PLD5: variants seen among roughly 807,000 people sequenced by gnomAD.
PLD5 encodes the protein inactive phospholipase D5.
PLD5 carries 36 observed loss-of-function variants against 61.1 expected under a neutral mutation model. That is an observed-to-expected ratio of 0.59 (90% CI 0.45 to 0.78). The LOEUF is 0.78. Ranked by LOEUF, PLD5 falls within the 30% of genes least tolerant of loss-of-function variation. The pLI, the probability that PLD5 is intolerant of heterozygous loss-of-function variation, is 0.00. For synonymous variants in PLD5, 243 were observed against 242.8 expected (o/e 1.00, Z -0.01); for missense variants, 515 against 644.4 (o/e 0.80, Z 2.17).
chr1:242,409,184 A>G (rs1314710467), intron 1 of PLD5, among the ~76,000 whole-genome samples: 2 of 152,146 alleles, frequency 1.3e-5, no homozygotes, highest in African/African-American at 4.8e-5. Flanking sequence ...TGACTAGCTT[A>G]TTGGCCTTGG....
intron 3 of PLD5, among the ~76,000 whole-genome samples, chr1:242,272,106 A>T (rs1381257763): frequency 6.6e-6 from 1 of 152,244 alleles, no homozygotes; most frequent in African/African-American, 2.4e-5. Context: ...AATCAACAGG[A>T]TAAACAATCT....
intron 1 of PLD5, among the ~76,000 whole-genome samples, chr1:242,401,895 G>A (rs1007656426): frequency 6.6e-6 from 1 of 152,258 alleles, no homozygotes; most frequent in African/African-American, 2.4e-5. Context: ...CCGATAACTA[G>A]AGTGTCTTCT....
rs1660055550 is a variant in PLD5, at chr1:242,345,132, G to A, written c.326+2974C>T. Among the ~76,000 whole-genome samples, 4 of 152,114 alleles carry A rather than the reference G, an allele frequency of 2.6e-5. No individual in the cohort carries two copies. The South Asian group carries it at 8.3e-4, about 32-fold the overall frequency. Reference sequence around the variant, plus strand: ...ACAATACAAGTTGAGATTTGAATGGGGCACAGCCAAACCATATCACCCACT... The same window carrying A: ...ACAATACAAGTTGAGATTTGAATGGAGCACAGCCAAACCATATCACCCACT... On this transcript the variant is annotated intron_variant, in intron 2 of 9. Transcript: ENST00000536534.
At chr1:242,254,348 GA>G (rs59783629) in intron 4 of PLD5, among the ~76,000 whole-genome samples, 61,354 of 132,334 alleles carry the variant, frequency 0.46, 13,372 homozygotes, top group East Asian at 0.63. Flanking sequence ...TCATTTAACT[GA>G]AAAAAAAAAA....
intron 1 of PLD5, among the ~76,000 whole-genome samples, chr1:242,429,540 C>A (rs1665609161): frequency 6.6e-6 from 1 of 152,200 alleles, no homozygotes; most frequent in South Asian, 2.1e-4. Flanking sequence ...AGCCACAACA[C>A]CCGGGCTTGG....
At chr1:242,287,058 T>C (rs912807624) in intron 3 of PLD5, among the ~76,000 whole-genome samples, 4 of 152,136 alleles carry the variant, frequency 2.6e-5, no homozygotes, top group African/African-American at 7.2e-5. Flanking sequence ...GTGGAATAGA[T>C]TGGGAGCAAC....
intron 5 of PLD5, among the ~76,000 whole-genome samples, chr1:242,135,158 T>C (rs1347291311): frequency 1.3e-5 from 2 of 152,224 alleles, no homozygotes; most frequent in Non-Finnish European, 2.9e-5. Flanking sequence ...TTTGTGTGTG[T>C]ATACAGACAT....
intron 1 of PLD5, among the ~76,000 whole-genome samples, chr1:242,348,999 A>G (rs553977920): frequency 2.0e-5 from 3 of 152,186 alleles, no homozygotes; most frequent in South Asian, 4.1e-4. Flanking sequence ...GCTTGCAGTG[A>G]GCCAAGATCG....
chr1:242,463,339 G>A (rs181330119), intron 1 of PLD5, among the ~76,000 whole-genome samples: 7 of 152,144 alleles, frequency 4.6e-5, no homozygotes, highest in African/African-American at 7.2e-5. Context: ...AGCCTTCAAT[G>A]CCTCCAACTC....
At chr1:242,322,518 T>C (rs1269890506) in intron 2 of PLD5, among the ~76,000 whole-genome samples, 5 of 152,236 alleles carry the variant, frequency 3.3e-5, no homozygotes, top group South Asian at 2.1e-4. Flanking sequence ...TTATCAGCTA[T>C]ATATCTATGT....
chr1:242,163,015 G>A (rs1039912596), intron 5 of PLD5, among the ~76,000 whole-genome samples: 3 of 152,098 alleles, frequency 2.0e-5, no homozygotes, highest in Non-Finnish European at 4.4e-5. Context: ...ATATCTACAG[G>A]TGTTTATTAG....
At chr1:242,489,375 TAA>T (rs11353482) in intron 1 of PLD5, among the ~76,000 whole-genome samples, 75 of 145,226 alleles carry the variant, frequency 5.2e-4, no homozygotes, top group East Asian at 2.7e-3. Context: ...TACATTTGAT[TAA>T]AAAAAAAAAC....
intron 5 of PLD5, among the ~76,000 whole-genome samples, chr1:242,217,258 T>A (rs1207857121): frequency 6.6e-6 from 1 of 152,214 alleles, no homozygotes; most frequent in Non-Finnish European, 1.5e-5. Context: ...TAGACAGTTA[T>A]TCCTCTGATA....
chr1:242,243,010 C>A (rs1042197157), intron 4 of PLD5, among the ~76,000 whole-genome samples: 1 of 152,164 alleles, frequency 6.6e-6, no homozygotes, highest in Non-Finnish European at 1.5e-5. Context: ...AGTAAGGAAT[C>A]GACATAAATG....
chr1:242,136,879 A>G (rs554955346), intron 5 of PLD5, among the ~76,000 whole-genome samples: 1 of 152,324 alleles, frequency 6.6e-6, no homozygotes, highest in South Asian at 2.1e-4. Context: ...CCGGGATGGG[A>G]GACAGTCCAA....
chr1:242,528,747 T>G (rs1156310427), upstream of PLD5, among the ~76,000 whole-genome samples: 1 of 152,182 alleles, frequency 6.6e-6, no homozygotes, highest in Admixed American at 6.5e-5. Context: ...CCCAAAGCCA[T>G]GTAAGTCAGA....
chr1:242,217,678 G>C (rs1170309612), intron 5 of PLD5, among the ~76,000 whole-genome samples: 1 of 152,136 alleles, frequency 6.6e-6, no homozygotes, highest in African/African-American at 2.4e-5. Flanking sequence ...AACATTAACG[G>C]GAGTTTGGAA....
At chr1:242,378,207 G>A (rs1175151140) in intron 1 of PLD5, among the ~76,000 whole-genome samples, 1 of 152,190 alleles carries the variant, frequency 6.6e-6, no homozygotes, top group Non-Finnish European at 1.5e-5. Context: ...TCTAACACAT[G>A]CCACAACGAG....
chr1:242,124,811 T>C (rs1662659781), intron 5 of PLD5, 146 bp from the exon 6 acceptor site: 4 of 668,426 alleles, frequency 6.0e-6, no homozygotes, highest in South Asian at 4.7e-5. Context: ...TTATGGTACA[T>C]AGAGGTGATA....
Sources: gnomAD v4.1 joint callset for allele counts (sites outside exome capture counted in the v4.1 genomes callset) on GRCh38, gnomAD v4.1.1 for gene constraint, MANE v1.5 for transcripts, NCBI Gene and HGNC (gene_info 2026-07-23, HGNC 2026-07-21) for gene names.